PABPC4L: variants seen among roughly 807,000 people sequenced by gnomAD.
The protein encoded by PABPC4L is poly(A) binding protein cytoplasmic 4 like.
For synonymous variants in PABPC4L, 169 were observed against 164.1 expected (o/e 1.03, Z -0.23); for missense variants, 452 against 451.4 (o/e 1.00, Z -0.01).
chr4:134,065,345 G>A, the PABPC4L span, among the ~76,000 whole-genome samples: 2 of 151,820 alleles, frequency 1.3e-5, no homozygotes, highest in African/African-American at 4.8e-5. Flanking sequence ...TCTAATATTA[G>A]TGATGTTGAG....
chr4:134,046,105 C>T, the PABPC4L span, among the ~76,000 whole-genome samples: 6 of 151,958 alleles, frequency 3.9e-5, no homozygotes, highest in Non-Finnish European at 7.4e-5. Flanking sequence ...CCCAGGGGAC[C>T]GGCACTCAGC....
At chr4:134,172,796 A>T in the PABPC4L span, among the ~76,000 whole-genome samples, 8 of 152,012 alleles carry the variant, frequency 5.3e-5, no homozygotes, top group Admixed American at 2.0e-4. Flanking sequence ...CTTCACAGAA[A>T]TATAAAAAAT....
chr4:133,999,184 T>A, the PABPC4L span, among the ~76,000 whole-genome samples: 2 of 152,186 alleles, frequency 1.3e-5, no homozygotes, highest in African/African-American at 4.8e-5. Flanking sequence ...TTTCTTTGGG[T>A]CTTGACTTCT....
chr4:134,124,732 T>A, the PABPC4L span, among the ~76,000 whole-genome samples: 1,684 of 152,182 alleles, frequency 0.011, 28 homozygotes, highest in African/African-American at 0.039. Flanking sequence ...ATCTATCAAA[T>A]TCACAGGGTG....
chr4:133,974,862 A>G, the PABPC4L span, among the ~76,000 whole-genome samples: 1 of 152,152 alleles, frequency 6.6e-6, no homozygotes, highest in African/African-American at 2.4e-5. Context: ...ATTAGCAAAA[A>G]TGTGGAGCAA....
chr4:134,152,153 ACT>A, the PABPC4L span, among the ~76,000 whole-genome samples: 1,929 of 151,802 alleles, frequency 0.013, 42 homozygotes, highest in African/African-American at 0.041. Context: ...TGTGGTTTAC[ACT>A]CTTTTTTCTT....
the PABPC4L span, among the ~76,000 whole-genome samples, chr4:133,999,688 A>G: frequency 5.9e-5 from 9 of 152,034 alleles, no homozygotes; most frequent in South Asian, 1.2e-3. Flanking sequence ...AAGGGGAAAA[A>G]AGTTTCCATG....
the PABPC4L span, among the ~76,000 whole-genome samples, chr4:134,010,266 G>A: frequency 6.6e-6 from 1 of 151,882 alleles, no homozygotes; most frequent in South Asian, 2.1e-4. Flanking sequence ...ATATTTTAAT[G>A]CTTTTAGGTA....
At chr4:134,128,710 G>T in the PABPC4L span, among the ~76,000 whole-genome samples, 1 of 151,888 alleles carries the variant, frequency 6.6e-6, no homozygotes, top group African/African-American at 2.4e-5. Flanking sequence ...TCTTCTTAAA[G>T]CATAAATCTC....
chr4:133,963,971 G>A, the PABPC4L span, among the ~76,000 whole-genome samples: 1 of 151,790 alleles, frequency 6.6e-6, no homozygotes, highest in Non-Finnish European at 1.5e-5. Context: ...AAATAACCAA[G>A]ATCAGAGCAG....
At chr4:134,021,687 A>T in the PABPC4L span, among the ~76,000 whole-genome samples, 27 of 152,140 alleles carry the variant, frequency 1.8e-4, no homozygotes, top group Non-Finnish European at 3.5e-4. Context: ...CTGCTCCTTC[A>T]CACCTACTTT....
chr4:134,044,347 T>A, the PABPC4L span, among the ~76,000 whole-genome samples: 4 of 152,156 alleles, frequency 2.6e-5, no homozygotes, highest in South Asian at 8.3e-4. Flanking sequence ...CACTGCAAGC[T>A]CAGCCTCCCG....
At chr4:134,170,789 A>G in the PABPC4L span, among the ~76,000 whole-genome samples, 1 of 152,148 alleles carries the variant, frequency 6.6e-6, no homozygotes, top group Non-Finnish European at 1.5e-5. Context: ...CATGAGACTT[A>G]GTGGGAACAC....
At chr4:134,034,774 G>A in the PABPC4L span, among the ~76,000 whole-genome samples, 1 of 151,982 alleles carries the variant, frequency 6.6e-6, no homozygotes, top group East Asian at 1.9e-4. Flanking sequence ...TTATGAATGA[G>A]TAGATAATGT....
the PABPC4L span, among the ~76,000 whole-genome samples, chr4:134,007,018 C>T: frequency 0.15 from 22,362 of 151,588 alleles, 1,953 homozygotes; most frequent in Non-Finnish European, 0.19. Context: ...TTGGATTAAC[C>T]AAATGCTCCA....
At chr4:134,042,293 G>T in the PABPC4L span, among the ~76,000 whole-genome samples, 2 of 152,028 alleles carry the variant, frequency 1.3e-5, no homozygotes, top group Non-Finnish European at 2.9e-5. Flanking sequence ...AGACTAGAAG[G>T]TTGGGGGTGG....
the PABPC4L span, among the ~76,000 whole-genome samples, chr4:134,150,544 T>C: frequency 1.3e-5 from 2 of 152,108 alleles, no homozygotes; most frequent in African/African-American, 4.8e-5. Flanking sequence ...GAATGCAAAT[T>C]TCACTTTAAA....
the PABPC4L span, among the ~76,000 whole-genome samples, chr4:134,110,559 TTGTGTGTGTGTGTGTGTGTGTGTGTG>T: frequency 5.5e-5 from 8 of 144,736 alleles, no homozygotes; most frequent in African/African-American, 1.8e-4. Context: ...TCTCTCTGTC[TTGTGTGTGTGTGTGTGTGTGTGTGTG>T]TGTGTGTGTG....
the PABPC4L span, among the ~76,000 whole-genome samples, chr4:134,085,301 T>C: frequency 3.8e-3 from 574 of 152,238 alleles, 2 homozygotes; most frequent in African/African-American, 0.013. Context: ...ACATATCATA[T>C]GTGCATGTAC....
Sources: allele counts gnomAD v4.1 joint callset (sites outside exome capture counted in the v4.1 genomes callset), GRCh38; gene constraint gnomAD v4.1.1; transcripts MANE v1.5; gene names NCBI Gene and HGNC (gene_info 2026-07-23, HGNC 2026-07-21).